The following INTS1 variants were observed in gnomAD, a reference collection of about 807,000 sequenced individuals.
INTS1 encodes the protein integrator complex subunit 1.
A neutral mutation model predicts 241.6 loss-of-function variants in INTS1; 137 were observed. The observed-to-expected ratio is 0.57, with a 90% CI of 0.49 to 0.65. The LOEUF (loss-of-function observed/expected upper bound fraction) is 0.65. INTS1 is among the 30% of genes least tolerant of loss of function. The pLI is 0.00. For missense variants in INTS1, 3,073 were observed against 3,032.2 expected (o/e 1.01, Z -0.32); for synonymous variants, 1,692 against 1,337.8 (o/e 1.26, Z -5.78).
chr7:1,496,303 C>T (rs1377253002), intron 11 of INTS1, 39 bp from the exon 12 acceptor site: 1 of 1,450,064 alleles, frequency 6.9e-7, no homozygotes, highest in Non-Finnish European at 9.7e-7. Flanking sequence ...AGAAGGGACA[C>T]CCGGGAGCCC....
intron 44 of INTS1, 153 bp from the exon 45 acceptor site, chr7:1,471,794 G>T: frequency 1.5e-6 from 1 of 680,688 alleles, no homozygotes; most frequent in Non-Finnish European, 2.5e-6. Context: ...GCAGTCACCT[G>T]CCCCCAAGCT....
chr7:1,470,556 G>T lies in INTS1; in HGVS notation c.*21C>A, dbSNP rs781446645. ...GGGACGGGACGGGCCGGGGCTTGGA[G>T]GGGGGTCGGCTGCCACAGGCTCACA... On this transcript the variant is annotated 3_prime_UTR_variant, in exon 48 of 48. Transcript: ENST00000404767. The T allele has an allele frequency of 2.6e-6, 4 of 1,512,042 alleles. No individual in the cohort carries two copies. In the African/African-American group the frequency reaches 4.2e-5, roughly 16 times the overall value. 93.7% of individuals were successfully genotyped at this position (1,512,042 alleles called of 1,614,324 possible). A position where few individuals can be genotyped will look rare whatever the true frequency, so the allele number is the denominator to read the frequency against.
intron 20 of INTS1, 25 bp from the exon 21 acceptor site, chr7:1,487,126 C>T (rs1782309324): frequency 1.3e-6 from 2 of 1,538,066 alleles, no homozygotes; most frequent in African/African-American, 2.7e-5. Flanking sequence ...GTGGCGCCCG[C>T]TCAGCACCTT....
intron 3 of INTS1, among the ~76,000 whole-genome samples, chr7:1,502,169 C>G (rs1055950026): frequency 6.6e-6 from 1 of 152,112 alleles, no homozygotes; most frequent in Non-Finnish European, 1.5e-5. Flanking sequence ...GTCATCAGGA[C>G]ACTTGTTCTT....
intron 38 of INTS1, 52 bp from the exon 39 acceptor site, chr7:1,476,123 G>A: frequency 6.5e-7 from 1 of 1,528,002 alleles, no homozygotes; most frequent in South Asian, 1.2e-5. Context: ...CAGTGACAGG[G>A]GTGGGTGGAC....
In INTS1 at chr7:1,495,598, A is replaced by C. The variant is rs771686724; in HGVS notation, c.1712-45T>G. Reference sequence around the variant, plus strand: ...TAGTGGCCCATCCGAGCCATGGGCCATGAGGGGCTAAGGCACCCCTGGGGG... The same window carrying C: ...TAGTGGCCCATCCGAGCCATGGGCCCTGAGGGGCTAAGGCACCCCTGGGGG... On this transcript the variant is annotated intron_variant, in intron 12 of 47. Coordinates refer to ENST00000404767, the MANE Select transcript of INTS1 (RefSeq NM_001080453.3). 5.1e-6 allele frequency: 8 copies of C among 1,582,048 alleles called. 1 individual carries two copies. Among genetic ancestry groups the C allele is most frequent in the Non-Finnish European group, 6.9e-6 (8 of 1,167,584 alleles).
rs2128541730 is a variant in INTS1 at position 1,493,054 on chromosome 7, A to G, written c.2121T>C (p.Asn707=). 1 of 1,613,612 alleles carries G rather than the reference A, an allele frequency of 6.2e-7. No individual in the cohort carries two copies. Residue 707 remains asparagine (N), a synonymous_variant, in exon 16 of 48, where the codon AAT becomes AAC. Transcript: ENST00000404767. The surrounding 1 kb of genome is among the most constrained non-coding windows in gnomAD (Gnocchi z 5.3). ...GRTQLIDAVL[N]LCTYHHPENI... The stretch of plus-strand genomic sequence containing the variant: ...TTTCAGGGTGATGGTAGGTGCACAG[A>G]TTCAGAACGGCGTCGATCAGCTGGG...
At chr7:1,502,809 G>A (rs1783254938) in intron 3 of INTS1, 92 bp downstream of exon 3, 2 of 1,389,098 alleles carry the variant, frequency 1.4e-6, no homozygotes, top group South Asian at 2.5e-5. Flanking sequence ...GGCCATACGG[G>A]CAGCACTAGG....
chr7:1,471,686 G>C (rs781135974), intron 44 of INTS1, 45 bp from the exon 45 acceptor site: 1 of 1,590,408 alleles, frequency 6.3e-7, no homozygotes, highest in East Asian at 2.2e-5. Context: ...GGCCCAGGCA[G>C]ACCTCTGCCC....
At chr7:1,472,974 C>T (rs527819185) in intron 43 of INTS1, 98 bp downstream of exon 43, 32 of 737,576 alleles carry the variant, frequency 4.3e-5, no homozygotes, top group Admixed American at 1.2e-4. Flanking sequence ...CCCATCGGGA[C>T]GCCTCGGACG....
chr7:1,496,540 G>A (rs1782868936), intron 11 of INTS1, among the ~76,000 whole-genome samples: 1 of 152,088 alleles, frequency 6.6e-6, no homozygotes, highest in African/African-American at 2.4e-5. Context: ...ACTTGCACAT[G>A]CGCACACATA....
rs1322114529 is a variant in INTS1, at chr7:1,470,613, C to T, written c.6537G>A (p.Glu2179=). The T allele has an allele frequency of 6.3e-7, 1 of 1,584,936 alleles. No homozygotes were observed. Among genetic ancestry groups the T allele is most frequent in the Middle Eastern group, 1.7e-4 (1 of 5,968 alleles). ...GQMDPSAQIS[E]ALRILHMEAV... is the part of the protein sequence containing the mutation. The stretch of plus-strand genomic sequence containing the variant: ...CCTCCATATGCAGGATCCTCAGGGC[C>T]TCGGAGATCTGCGCGCTGGGGTCCA... The change falls in exon 48 of 48, where the codon GAG becomes GAA. Residue 2179 remains glutamate (E), a synonymous_variant. Transcript: ENST00000404767.
At position 1,474,762 on chromosome 7, in the gene INTS1, G is replaced by A. The variant is rs756207848; in HGVS notation, c.5579C>T (p.Ala1860Val). 6.4e-6 allele frequency: 10 copies of A among 1,570,248 alleles called. No individual in the cohort carries two copies. The highest frequency in any genetic ancestry group is 1.9e-5 in the Admixed American group (1 of 53,972). Residue 1860 changes from alanine to valine, a missense_variant, in exon 40 of 48, where the codon GCG (alanine) becomes GTG (valine). Transcript: ENST00000404767. ...SDSRALENRG[A>V]DASMACRKLA... ...CTTCCGGCAGGCCATGCTGGCATCC[G>A]CCCCTCGGTTCTCCAACGCCCGGGA... is the stretch of plus-strand genomic sequence containing the variant.
chr7:1,499,657 C>CCCGAGCCCAG (rs752509811), intron 5 of INTS1, 25 bp from the exon 6 acceptor site: 1 of 1,576,386 alleles, frequency 6.3e-7, no homozygotes, highest in Admixed American at 1.8e-5. Flanking sequence ...CACCCTCAGC[C>CCCGAGCCCAG]CCGAGCCCAG....
chr7:1,471,451 C>T (rs1781463973), intron 45 of INTS1, 120 bp downstream of exon 45: 2 of 1,187,128 alleles, frequency 1.7e-6, no homozygotes, highest in Non-Finnish European at 2.4e-6. Context: ...CCACCCGAAG[C>T]CCAGCCTCAG....
At chr7:1,482,299 C>T (rs1782033923) in intron 27 of INTS1, 1 of 407,342 alleles carries the variant, frequency 2.5e-6, no homozygotes, top group Non-Finnish European at 4.4e-6. Flanking sequence ...CTGTTTCTCA[C>T]TCTAGACCCC....
chr7:1,474,063 T>C, intron 41 of INTS1, 105 bp downstream of exon 41: 2 of 1,319,768 alleles, frequency 1.5e-6, no homozygotes, highest in Non-Finnish European at 2.0e-6. Flanking sequence ...GCCTGGGCCC[T>C]GGCTGCAGAG....
intron 25 of INTS1, 43 bp from the exon 26 acceptor site, chr7:1,483,896 C>A (rs1260943557): frequency 6.3e-7 from 1 of 1,592,212 alleles, no homozygotes; most frequent in Admixed American, 1.7e-5. Flanking sequence ...GTTCAGGGAC[C>A]CTGAGCCAGC....
chr7:1,503,466 T>C (rs1027611382), intron 2 of INTS1, among the ~76,000 whole-genome samples: 3 of 152,070 alleles, frequency 2.0e-5, no homozygotes, highest in Non-Finnish European at 4.4e-5. Context: ...GTTTCCGCAA[T>C]AGGTGCTATT....
Sources: gnomAD v4.1 joint callset for allele counts (sites outside exome capture counted in the v4.1 genomes callset) on GRCh38, gnomAD v4.1.1 for gene constraint, Gnocchi (gnomAD v3.1) non-coding constraint, MANE v1.5 for transcripts, NCBI Gene and HGNC (gene_info 2026-07-23, HGNC 2026-07-21) for gene names.